The following TUSC3 variants were observed in gnomAD, a reference collection of about 807,000 sequenced individuals.
TUSC3 encodes dolichyl-diphosphooligosaccharide--protein glycosyltransferase subunit TUSC3.
TUSC3 carries 45 observed loss-of-function variants against 44.8 expected under a neutral mutation model. The observed-to-expected ratio is 1.00, with a 90% CI of 0.79 to 1.29. TUSC3 has a LOEUF of 1.29. TUSC3 is among the 50% of genes most tolerant of loss of function. The probability of loss-of-function intolerance (pLI) is 0.00; values close to 1 mark genes in which losing one functional copy is unlikely to be tolerated. For missense variants in TUSC3, 519 were observed against 437.9 expected (o/e 1.19, Z -1.65); for synonymous variants, 212 against 152.9 (o/e 1.39, Z -2.85).
intron 6 of TUSC3, among the ~76,000 whole-genome samples, chr8:15,723,087 A>C (rs1046617420): frequency 6.6e-6 from 1 of 152,124 alleles, no homozygotes; most frequent in African/African-American, 2.4e-5. Flanking sequence ...AGTTTCATGC[A>C]CACACTATTT....
intron 1 of TUSC3, among the ~76,000 whole-genome samples, chr8:15,419,347 G>A (rs78013868): frequency 0.018 from 2,773 of 152,274 alleles, 47 homozygotes; most frequent in Non-Finnish European, 0.027. Flanking sequence ...ATAACTTTCC[G>A]TGCAATCAAT....
At chr8:15,606,244 T>C (rs1188345161) in intron 1 of TUSC3, among the ~76,000 whole-genome samples, 1 of 152,048 alleles carries the variant, frequency 6.6e-6, no homozygotes, top group Non-Finnish European at 1.5e-5. Context: ...CAGAAACTTA[T>C]AGTATGAGTA....
At chr8:15,427,204 T>C (rs1393773288) in intron 1 of TUSC3, among the ~76,000 whole-genome samples, 2 of 148,516 alleles carry the variant, frequency 1.3e-5, no homozygotes, top group Non-Finnish European at 3.0e-5. Context: ...TGTTGAATAT[T>C]GTCTAACGGT....
intron 1 of TUSC3, among the ~76,000 whole-genome samples, chr8:15,431,030 CCACTGGTATATGTAT>C (rs1353931894): frequency 6.6e-6 from 1 of 151,572 alleles, no homozygotes; most frequent in Non-Finnish European, 1.5e-5. Context: ...TTATTTTACT[CCACTGGTATATGTAT>C]CAGTCTTTGT....
intron 1 of TUSC3, among the ~76,000 whole-genome samples, chr8:15,442,604 C>A (rs1800035762): frequency 6.6e-6 from 1 of 152,114 alleles, no homozygotes; most frequent in Admixed American, 6.5e-5. Flanking sequence ...AAATGCCTTA[C>A]TCCTGATGTT....
chr8:15,693,042 G>A (rs13265117), intron 6 of TUSC3, among the ~76,000 whole-genome samples: 32,441 of 152,190 alleles, frequency 0.21, 4,353 homozygotes, highest in Non-Finnish European at 0.3. Flanking sequence ...TTGAGCCTAT[G>A]GATGTCACTG....
At chr8:15,798,751 A>T in the TUSC3 span, among the ~76,000 whole-genome samples, 31 of 152,128 alleles carry the variant, frequency 2.0e-4, no homozygotes, top group Admixed American at 2.6e-4. Context: ...GGGCCAACTA[A>T]GGCTTGACTG....
intron 1 of TUSC3, among the ~76,000 whole-genome samples, chr8:15,565,684 C>G (rs1040131387): frequency 6.6e-6 from 1 of 152,092 alleles, no homozygotes; most frequent in Admixed American, 6.6e-5. Context: ...GTATTAAATA[C>G]TTTCATGCTT....
chr8:15,487,018 A>C (rs1800741299), intron 2 of TUSC3, among the ~76,000 whole-genome samples: 1 of 152,216 alleles, frequency 6.6e-6, no homozygotes, highest in Non-Finnish European at 1.5e-5. Context: ...GTGTGCACTG[A>C]AAAGCTTCAG....
At chr8:15,605,869 C>G (rs1222363198) in intron 1 of TUSC3, among the ~76,000 whole-genome samples, 2 of 151,948 alleles carry the variant, frequency 1.3e-5, no homozygotes, top group African/African-American at 4.8e-5. Flanking sequence ...GTCATAACTT[C>G]GTAGCTGCAT....
intron 1 of TUSC3, among the ~76,000 whole-genome samples, chr8:15,433,704 C>G (rs908038561): frequency 2.6e-5 from 4 of 152,124 alleles, no homozygotes; most frequent in African/African-American, 4.8e-5. Context: ...ACAGCACATA[C>G]TCACTTTGCC....
At chr8:15,482,983 A>G (rs1800682847) in intron 1 of TUSC3, among the ~76,000 whole-genome samples, 1 of 150,878 alleles carries the variant, frequency 6.6e-6, no homozygotes. Context: ...TAAGCTGTAG[A>G]AAAATATCAA....
At chr8:15,738,827 C>CTTTTTTTTTTTTTTTTTT (rs375655033) in intron 7 of TUSC3, among the ~76,000 whole-genome samples, 2 of 87,170 alleles carry the variant, frequency 2.3e-5, no homozygotes, top group African/African-American at 9.7e-5. Flanking sequence ...ATATATCTTG[C>CTTTTTTTTTTTTTTTTTT]TTTTTTTTTT....
rs140234507 is a variant in TUSC3 at position 15,739,894 on chromosome 8, A to G, written c.863-3644A>G. On this transcript the variant is annotated intron_variant, in intron 7 of 10. Transcript: ENST00000503731. ...TTTTGTGACTTTGAGCAAGTTGTTT[A>G]AACTTCTCTGGGCTTCAGTTTCCTT... Among the ~76,000 whole-genome samples, 48 of 146,738 alleles carry G rather than the reference A, an allele frequency of 3.3e-4. 1 individual carries two copies. The highest frequency in any genetic ancestry group is 1.2e-3 in the African/African-American group (47 of 39,562).
At chr8:15,620,016 T>G (rs1314538302) in intron 1 of TUSC3, among the ~76,000 whole-genome samples, 1 of 152,138 alleles carries the variant, frequency 6.6e-6, no homozygotes, top group Non-Finnish European at 1.5e-5. Context: ...TTGCTGAGAT[T>G]GCACCATTGC....
chr8:15,663,520 C>T (rs907852515), intron 5 of TUSC3, among the ~76,000 whole-genome samples: 1 of 151,794 alleles, frequency 6.6e-6, no homozygotes, highest in Non-Finnish European at 1.5e-5. Context: ...CAAGAGTCAC[C>T]TTGAAGCAAT....
the TUSC3 span, among the ~76,000 whole-genome samples, chr8:15,805,400 G>C: frequency 3.9e-5 from 6 of 152,090 alleles, no homozygotes; most frequent in Admixed American, 3.9e-4. Context: ...GGGCATCTTT[G>C]TCTTGCTGTA....
chr8:15,675,534 G>T (rs1293995252), intron 6 of TUSC3, among the ~76,000 whole-genome samples: 1 of 151,832 alleles, frequency 6.6e-6, no homozygotes, highest in African/African-American at 2.4e-5. Context: ...AAGGATTGGG[G>T]TATGAATGAT....
At chr8:15,785,239 T>G in the TUSC3 span, among the ~76,000 whole-genome samples, 1 of 152,036 alleles carries the variant, frequency 6.6e-6, no homozygotes, top group East Asian at 1.9e-4. Flanking sequence ...AAAGAAGATC[T>G]GTTACCTATA....
Sources: gnomAD v4.1 joint callset for allele counts (sites outside exome capture counted in the v4.1 genomes callset) on GRCh38, gnomAD v4.1.1 for gene constraint, MANE v1.5 for transcripts, NCBI Gene and HGNC (gene_info 2026-07-23, HGNC 2026-07-21) for gene names.